LASP1: variants seen among roughly 807,000 people sequenced by gnomAD.
LASP1 encodes the protein LIM and SH3 protein 1.
A neutral mutation model predicts 38.6 loss-of-function variants in LASP1; 10 were observed. The observed-to-expected ratio is 0.26, with a 90% CI of 0.16 to 0.44. The LOEUF is 0.44. LASP1 is among the 20% of genes least tolerant of loss of function. The probability of loss-of-function intolerance (pLI) is 1.00; values close to 1 mark genes in which losing one functional copy is unlikely to be tolerated. For synonymous variants in LASP1, 132 were observed against 140.8 expected (o/e 0.94, Z 0.44); for missense variants, 243 against 375.7 (o/e 0.65, Z 2.92).
At chr17:38,870,329 G>A in intron 1 of LASP1, 71 bp downstream of exon 1, 1 of 1,553,922 alleles carries the variant, frequency 6.4e-7, no homozygotes, top group Non-Finnish European at 8.8e-7. Context: ...GGAGAGAAGG[G>A]CCGGGTCTTT....
Position 38,910,733 on chromosome 17 carries a change from C to CTTTTTTTTTTTTTTTTTT in LASP1, c.358-3584_358-3583insTTTTTTTTTTTTTTTTTT, listed in dbSNP as rs10526728. Among the ~76,000 whole-genome samples the CTTTTTTTTTTTTTTTTTT allele has an allele frequency of 6.6e-5, 9 of 135,488 alleles. 2 individuals are homozygous for CTTTTTTTTTTTTTTTTTT. Among genetic ancestry groups the CTTTTTTTTTTTTTTTTTT allele is most frequent in the Non-Finnish European group, 7.7e-5 (5 of 64,654 alleles). 88.9% of individuals were successfully genotyped at this position (135,488 alleles called of 152,430 possible). A position where few individuals can be genotyped will look rare whatever the true frequency, so the allele number is the denominator to read the frequency against. On this transcript the variant is annotated intron_variant, in intron 4 of 6. Coordinates refer to ENST00000318008, the MANE Select transcript of LASP1 (RefSeq NM_006148.4). ...TCAGACACAGGTAGTCTGGAGTCCA[C>CTTTTTTTTTTTTTTTTTT]TTTTTTTTAAACAGAGTCTCAGTCT...
At chr17:38,874,266 G>C (rs1294344799) in intron 1 of LASP1, among the ~76,000 whole-genome samples, 1 of 152,208 alleles carries the variant, frequency 6.6e-6, no homozygotes, top group African/African-American at 2.4e-5. Context: ...CTTTAAAAGA[G>C]GGGGGCTCTT....
intron 4 of LASP1, among the ~76,000 whole-genome samples, chr17:38,912,626 C>T (rs1254162649): frequency 2.6e-5 from 4 of 152,178 alleles, no homozygotes; most frequent in African/African-American, 7.2e-5. Flanking sequence ...GCCATCTGGA[C>T]AGTTTTCAGA....
rs543038501 is a variant in LASP1, at chr17:38,899,883, C to G, written c.357+1364C>G. Among the ~76,000 whole-genome samples the G allele has an allele frequency of 2.6e-5, 4 of 151,768 alleles. No individual in the cohort carries two copies. In the South Asian group the frequency reaches 8.4e-4, roughly 32 times the overall value. ...TAGCTGGGATTACAGGTGCACACCA[C>G]CACCCCCGGCCAATTTTTGTATTTT... On this transcript the variant is annotated intron_variant, in intron 4 of 6. Transcript: ENST00000318008.
chr17:38,890,637 C>T, intron 3 of LASP1, 133 bp downstream of exon 3: 1 of 777,984 alleles, frequency 1.3e-6, no homozygotes, highest in South Asian at 1.5e-5. Context: ...CCTAGCATTG[C>T]CTTTAATCTT....
At chr17:38,917,613 C>G (rs537882525) in intron 6 of LASP1, among the ~76,000 whole-genome samples, 187 of 152,250 alleles carry the variant, frequency 1.2e-3, no homozygotes, top group Non-Finnish European at 2.1e-3. Context: ...CAGGACTCAT[C>G]ATGGCTTCTA....
intron 4 of LASP1, among the ~76,000 whole-genome samples, chr17:38,902,923 G>A (rs980108949): frequency 6.6e-6 from 1 of 151,902 alleles, no homozygotes; most frequent in African/African-American, 2.4e-5. Flanking sequence ...GGCTGGTCTC[G>A]AACTCCTGAC....
At chr17:38,877,985 T>C in intron 1 of LASP1, 101 bp from the exon 2 acceptor site, 1 of 853,844 alleles carries the variant, frequency 1.2e-6, no homozygotes. Context: ...GCCATGGGCC[T>C]AGGACAGTCC....
chr17:38,899,112 C>T (rs775648105), intron 4 of LASP1: 4 of 275,602 alleles, frequency 1.5e-5, no homozygotes, highest in South Asian at 7.1e-5. Flanking sequence ...TCCCCAGCAT[C>T]GTGTGCCCTC....
Position 38,920,333 on chromosome 17 carries a change from C to G in LASP1, c.*1555C>G, listed in dbSNP as rs558769163. ...TCACTTACATAAAGCTCCCTTGAAG[C>G]AAGAAAGAGGGTCCCAGGGCTGCAA... On this transcript the variant is annotated 3_prime_UTR_variant, in exon 7 of 7. Transcript: ENST00000318008. The G allele has an allele frequency of 2.4e-4, 90 of 371,698 alleles. No homozygotes were observed. The highest frequency in any genetic ancestry group is 1.6e-3 in the African/African-American group (80 of 50,118). 23.0% of individuals were successfully genotyped at this position (371,698 alleles called of 1,614,324 possible).
rs757747839 is a variant in LASP1, at chr17:38,870,142, A to G, written c.-48A>G. On this transcript the variant is annotated 5_prime_UTR_variant, in exon 1 of 7. Coordinates refer to ENST00000318008, the MANE Select transcript of LASP1 (RefSeq NM_006148.4). ...CTCCCGCCAGCTCGCCTCGGGGAACAGGACGCGCGTGAGCTCAGGCGTCCC... is the reference window on the plus strand; with the variant it reads ...CTCCCGCCAGCTCGCCTCGGGGAACGGGACGCGCGTGAGCTCAGGCGTCCC... 6.2e-7 allele frequency: 1 copy of G among 1,606,516 alleles called. No individual in the cohort carries two copies. The highest frequency in any genetic ancestry group is 8.5e-7 in the Non-Finnish European group (1 of 1,176,272).
intron 3 of LASP1, among the ~76,000 whole-genome samples, chr17:38,890,805 T>A (rs552385304): frequency 6.6e-6 from 1 of 152,226 alleles, no homozygotes; most frequent in Non-Finnish European, 1.5e-5. Context: ...CTCTTCCCCA[T>A]TCACACTCAC....
rs200496433 is a variant in LASP1, at chr17:38,898,541, C to T, written c.357+22C>T. 300 of 1,498,404 alleles carry T rather than the reference C, an allele frequency of 2.0e-4. 3 individuals are homozygous for T. In the African/African-American group the frequency reaches 3.4e-3, roughly 17 times the overall value. The allele number at this position is 1,498,404 out of a possible 1,614,324, so 92.8% of individuals were successfully genotyped here. On this transcript the variant is annotated intron_variant, in intron 4 of 6. Transcript: ENST00000318008. ...TAACGTGAGCTCTTGCCCTGCCCTG[C>T]GGCATCCCTGCTGCCCTCTGTTTGG...
In LASP1 at chr17:38,909,125, G is replaced by A. The variant is rs558579049; in HGVS notation, c.358-5200G>A. Among the ~76,000 whole-genome samples the A allele has an allele frequency of 4.6e-5, 7 of 152,310 alleles. No individual in the cohort carries two copies. In the East Asian group the frequency reaches 5.8e-4, roughly 13 times the overall value. On this transcript the variant is annotated intron_variant, in intron 4 of 6. Transcript: ENST00000318008. ...AGGAAATTCCTGCAGGCCTGAGCCC[G>A]TCTGGGAAGGACCAGTTTCTCTCCT... is the stretch of plus-strand genomic sequence containing the variant.
At position 38,919,557 on chromosome 17, in the gene LASP1, C is replaced by T. The variant is rs1915238536; in HGVS notation, c.*779C>T. On this transcript the variant is annotated 3_prime_UTR_variant, in exon 7 of 7. Transcript: ENST00000318008. ...GGAGTTCTCTTCCGCAGCCCCTTTCCCCACGCCCACCCCCAGTCTCCAGGG... is the reference window on the plus strand; with the variant it reads ...GGAGTTCTCTTCCGCAGCCCCTTTCTCCACGCCCACCCCCAGTCTCCAGGG... 4.0e-6 allele frequency: 1 copy of T among 247,464 alleles called. No homozygotes were observed. The highest frequency in any genetic ancestry group is 8.0e-6 in the Non-Finnish European group (1 of 125,450). The allele number at this position is 247,464 out of a possible 1,614,324, so 15.3% of individuals were successfully genotyped here. A position where few individuals can be genotyped will look rare whatever the true frequency, so the allele number is the denominator to read the frequency against.
chr17:38,897,939 C>T (rs1415422022), intron 3 of LASP1, among the ~76,000 whole-genome samples: 1 of 152,146 alleles, frequency 6.6e-6, no homozygotes, highest in Non-Finnish European at 1.5e-5. Context: ...ACCCTGGGAG[C>T]CCTGGAAAGA....
Position 38,919,036 on chromosome 17 carries a change from C to CG in LASP1, c.*258_*259insG. The stretch of plus-strand genomic sequence containing the variant: ...CGGGCATGGGCCTCTCTGGGGGAGG[C>CG]AGGGCTGGAATGGGAGACCTGTTGG... On this transcript the variant is annotated 3_prime_UTR_variant, in exon 7 of 7. Transcript: ENST00000318008. The CG allele has an allele frequency of 8.3e-5, 7 of 83,898 alleles. No homozygotes were observed. The highest frequency in any genetic ancestry group is 1.8e-4 in the African/African-American group (1 of 5,480). The allele number at this position is 83,898 out of a possible 1,614,324, so 5.2% of individuals were successfully genotyped here.
rs543842025 is a variant in LASP1, at chr17:38,873,337, C to T, written c.69+3079C>T. Among the ~76,000 whole-genome samples the T allele has an allele frequency of 1.2e-4, 19 of 152,268 alleles. No homozygotes were observed. The South Asian group carries it at 1.7e-3, about 13-fold the overall frequency. On this transcript the variant is annotated intron_variant, in intron 1 of 6. Transcript: ENST00000318008. ...TGTGACCATCCCTTCATAATAGCTACTAGTTATCACGATATGCTGGGCTCA... is the reference window on the plus strand; with the variant it reads ...TGTGACCATCCCTTCATAATAGCTATTAGTTATCACGATATGCTGGGCTCA...
Position 38,890,518 on chromosome 17 carries a change from C to T in LASP1, c.249+14C>T, listed in dbSNP as rs371738811. The T allele has an allele frequency of 1.4e-5, 22 of 1,611,584 alleles. No individual in the cohort carries two copies. The highest frequency in any genetic ancestry group is 8.9e-5 in the East Asian group (4 of 44,842). On this transcript the variant is annotated intron_variant, in intron 3 of 6. Coordinates refer to ENST00000318008, the MANE Select transcript of LASP1 (RefSeq NM_006148.4). ...CTCCAGAGTCAGGTGAGGGGCTGGG[C>T]GGTGCTGGGGCCTGGCAGGGAGGGA...
Sources: allele counts gnomAD v4.1 joint callset (sites outside exome capture counted in the v4.1 genomes callset), GRCh38; gene constraint gnomAD v4.1.1; transcripts MANE v1.5; gene names NCBI Gene and HGNC (gene_info 2026-07-23, HGNC 2026-07-21).